ZNF385D: variants seen among roughly 807,000 people sequenced by gnomAD.
ZNF385D encodes the protein zinc finger protein 385D, also known as zinc finger protein 659.
A neutral mutation model predicts 35.8 loss-of-function variants in ZNF385D; 15 were observed. The observed-to-expected ratio is 0.42, with a 90% CI of 0.28 to 0.64. The LOEUF (loss-of-function observed/expected upper bound fraction) is 0.64. ZNF385D is among the 30% of genes least tolerant of loss of function. ZNF385D has a pLI of 0.23. For synonymous variants in ZNF385D, 212 were observed against 186.8 expected (o/e 1.13, Z -1.10); for missense variants, 474 against 494.6 (o/e 0.96, Z 0.39).
At chr3:22,243,350 A>G (rs1699597072) in intron 2 of ZNF385D, among the ~76,000 whole-genome samples, 1 of 151,172 alleles carries the variant, frequency 6.6e-6, no homozygotes, top group African/African-American at 2.4e-5. Context: ...GAGAATGGCT[A>G]CAATCAAAAA....
intron 2 of ZNF385D, among the ~76,000 whole-genome samples, chr3:21,600,911 A>T (rs1302311216): frequency 1.3e-5 from 2 of 152,084 alleles, no homozygotes; most frequent in Non-Finnish European, 2.9e-5. Flanking sequence ...AGATTAAAAG[A>T]TAATGAAATT....
intron 3 of ZNF385D, among the ~76,000 whole-genome samples, chr3:21,897,533 T>C (rs977305811): frequency 5.9e-5 from 9 of 152,186 alleles, no homozygotes; most frequent in Non-Finnish European, 1.0e-4. Flanking sequence ...CTATTTTATA[T>C]AGGGTGTGCT....
At chr3:21,996,323 A>G (rs1349835187) in intron 3 of ZNF385D, among the ~76,000 whole-genome samples, 2 of 152,128 alleles carry the variant, frequency 1.3e-5, no homozygotes, top group Non-Finnish European at 2.9e-5. Flanking sequence ...TTTTCCCTGC[A>G]GTGGAGTTTC....
At chr3:21,530,546 A>G (rs1296674807) in intron 3 of ZNF385D, among the ~76,000 whole-genome samples, 1 of 152,176 alleles carries the variant, frequency 6.6e-6, no homozygotes, top group East Asian at 1.9e-4. Flanking sequence ...GATTAAGCTA[A>G]TGGGAGGAGA....
At chr3:22,158,345 T>C (rs956591043) in intron 3 of ZNF385D, among the ~76,000 whole-genome samples, 3 of 152,244 alleles carry the variant, frequency 2.0e-5, no homozygotes, top group East Asian at 3.9e-4. Context: ...ACCAGAGTTA[T>C]TGGGCGCTTT....
At chr3:22,320,716 T>C (rs578220944) in intron 2 of ZNF385D, among the ~76,000 whole-genome samples, 2 of 151,602 alleles carry the variant, frequency 1.3e-5, no homozygotes, top group East Asian at 3.9e-4. Context: ...ATGTCTACTT[T>C]CTTTGAGGAA....
At chr3:21,825,714 T>C (rs1694563675) in intron 3 of ZNF385D, among the ~76,000 whole-genome samples, 1 of 152,216 alleles carries the variant, frequency 6.6e-6, no homozygotes, top group Non-Finnish European at 1.5e-5. Context: ...TGTCTCTTTC[T>C]CTGTGTTTGT....
intron 2 of ZNF385D, among the ~76,000 whole-genome samples, chr3:22,225,408 T>C (rs976459105): frequency 6.6e-6 from 1 of 152,096 alleles, no homozygotes; most frequent in Non-Finnish European, 1.5e-5. Context: ...CCTGAACCCA[T>C]GTGGCAGGTC....
rs150800498 is a variant in ZNF385D, at chr3:21,892,133, T to C, written c.326-227105A>G. On this transcript the variant is annotated intron_variant, in intron 3 of 5. Coordinates refer to the ZNF385D transcript ENST00000494108. Reference sequence around the variant, plus strand: ...TTCGTGGGATAGGAAGCATTCTGAATGAAAATATCACTACAAGCAATGGAA... The same window carrying C: ...TTCGTGGGATAGGAAGCATTCTGAACGAAAATATCACTACAAGCAATGGAA... Among the ~76,000 whole-genome samples, 502 of 152,298 alleles carry C rather than the reference T, an allele frequency of 3.3e-3. 5 individuals are homozygous for C. The highest frequency in any genetic ancestry group is 0.011 in the African/African-American group (475 of 41,558).
At chr3:21,518,731 T>G (rs1707731686) in intron 3 of ZNF385D, among the ~76,000 whole-genome samples, 1 of 152,126 alleles carries the variant, frequency 6.6e-6, no homozygotes, top group Non-Finnish European at 1.5e-5. Flanking sequence ...AGCCAAGAGA[T>G]TGTCTTCTCT....
chr3:22,272,823 T>A (rs939102040), intron 2 of ZNF385D, among the ~76,000 whole-genome samples: 2 of 152,032 alleles, frequency 1.3e-5, no homozygotes, highest in Non-Finnish European at 2.9e-5. Context: ...TCTTTTAAAA[T>A]ACATATTATA....
At chr3:21,726,768 T>C (rs1471733375) in intron 1 of ZNF385D, among the ~76,000 whole-genome samples, 1 of 152,284 alleles carries the variant, frequency 6.6e-6, no homozygotes, top group East Asian at 1.9e-4. Flanking sequence ...ATAGAGTTAA[T>C]GCTATCCCCA....
intron 3 of ZNF385D, among the ~76,000 whole-genome samples, chr3:21,525,224 C>G (rs1708151563): frequency 3.9e-5 from 6 of 151,954 alleles, no homozygotes; most frequent in Admixed American, 3.9e-4. Context: ...TGTGTTTTTT[C>G]AATATTTTCA....
At chr3:21,449,492 TAG>T (rs1702339702) in intron 4 of ZNF385D, among the ~76,000 whole-genome samples, 1 of 152,218 alleles carries the variant, frequency 6.6e-6, no homozygotes, top group Non-Finnish European at 1.5e-5. Context: ...AGCTTTAGAA[TAG>T]AGTCATTGTT....
chr3:21,694,042 C>CTGTTTTTTTTTTTTTTTTTT (rs2067379702), intron 1 of ZNF385D, among the ~76,000 whole-genome samples: 1 of 22,168 alleles, frequency 4.5e-5, no homozygotes, highest in Non-Finnish European at 8.5e-5. Flanking sequence ...CTACGCCTGG[C>CTGTTTTTTTTTTTTTTTTTT]TTTTTTTTTT....
intron 3 of ZNF385D, among the ~76,000 whole-genome samples, chr3:21,971,915 G>A (rs1215631457): frequency 2.0e-5 from 3 of 151,846 alleles, no homozygotes; most frequent in Non-Finnish European, 4.4e-5. Context: ...TATAACAACT[G>A]TAAATATATA....
intron 3 of ZNF385D, among the ~76,000 whole-genome samples, chr3:21,982,470 G>A (rs1293540205): frequency 1.3e-5 from 2 of 152,176 alleles, no homozygotes; most frequent in East Asian, 3.9e-4. Context: ...TTATCAGTGG[G>A]AGGAGCTTTT....
chr3:21,954,927 C>T (rs997565914), intron 3 of ZNF385D, among the ~76,000 whole-genome samples: 11 of 151,978 alleles, frequency 7.2e-5, no homozygotes, highest in Non-Finnish European at 7.4e-5. Context: ...TGTGACTAGC[C>T]CCAAGCAAGC....
At chr3:22,073,986 A>G (rs1700349068) in intron 3 of ZNF385D, among the ~76,000 whole-genome samples, 1 of 151,974 alleles carries the variant, frequency 6.6e-6, no homozygotes, top group Non-Finnish European at 1.5e-5. Context: ...TTCTGCTTAT[A>G]CTAAAGTACA....
Sources: allele counts gnomAD v4.1 joint callset (sites outside exome capture counted in the v4.1 genomes callset), GRCh38; gene constraint gnomAD v4.1.1; transcripts MANE v1.5; gene names NCBI Gene and HGNC (gene_info 2026-07-23, HGNC 2026-07-21).